The following TMEM64 variants were observed in gnomAD, a reference collection of about 807,000 sequenced individuals.
TMEM64 encodes transmembrane protein 64.
Under a neutral mutation model 24.5 loss-of-function variants are expected in TMEM64, and 19 were observed. That is an observed-to-expected ratio of 0.78 (90% CI 0.54 to 1.14). The LOEUF (loss-of-function observed/expected upper bound fraction) is 1.14, where lower values mean the gene tolerates loss of function less well. TMEM64 is among the 50% of genes most tolerant of loss of function. TMEM64 has a pLI of 0.00. For missense variants in TMEM64, 487 were observed against 493.0 expected, an observed-to-expected ratio of 0.99 and a Z score of 0.12; for synonymous variants, 262 against 224.7, an observed-to-expected ratio of 1.17 and a Z score of -1.49.
rs566174146 is a variant in TMEM64 at position 90,627,861 on chromosome 8, G to T, written c.952-1999C>A. 3.9e-5 allele frequency among the ~76,000 whole-genome samples: 6 copies of T among 152,214 alleles called. No homozygotes were observed. In the East Asian group the frequency reaches 9.7e-4, roughly 25 times the overall value. Reference sequence around the variant, plus strand: ...AGGAAAGAGTGTTTTAATAATGAAGGCACTGTCAGGAGTCTTAGACTACTA... The same window carrying T: ...AGGAAAGAGTGTTTTAATAATGAAGTCACTGTCAGGAGTCTTAGACTACTA... On this transcript the variant is annotated intron_variant, in intron 2 of 2. Transcript: ENST00000458549.
In TMEM64 at chr8:90,645,613, C is replaced by G. The variant is rs1409363070; in HGVS notation, c.293G>C (p.Gly98Ala). The G allele has an allele frequency of 6.5e-7, 1 of 1,534,862 alleles. No homozygotes were observed. Among genetic ancestry groups the G allele is most frequent in the African/African-American group, 1.4e-5 (1 of 72,970 alleles). The change falls in exon 1 of 3, where the codon GGC (glycine) becomes GCC (alanine). Residue 98 changes from glycine to alanine, a missense_variant. Transcript: ENST00000458549. This position sits in a 1 kb window ranked among gnomAD's most constrained non-coding sequence, Gnocchi z 4.2. ...CACCTCAGCCACGCCGACCACCACGCCGCCGCCGCCACTCCCGGGGCCGCC... is the reference window on the plus strand; with the variant it reads ...CACCTCAGCCACGCCGACCACCACGGCGCCGCCGCCACTCCCGGGGCCGCC... ...LAGGPGSGGG[G>A]VVVGVAEVRN...
At chr8:90,630,589 T>G (rs1809422098) in intron 2 of TMEM64, among the ~76,000 whole-genome samples, 2 of 152,152 alleles carry the variant, frequency 1.3e-5, no homozygotes, top group Non-Finnish European at 2.9e-5. Flanking sequence ...CCATTTCCCA[T>G]GGTGTAAATA....
At chr8:90,632,335 G>A (rs1392688578) in intron 1 of TMEM64, among the ~76,000 whole-genome samples, 5 of 151,272 alleles carry the variant, frequency 3.3e-5, no homozygotes, top group Non-Finnish European at 7.4e-5. Flanking sequence ...TGTTGTTGTT[G>A]TTTTTGAGAC....
chr8:90,632,903 C>A (rs982637356), intron 1 of TMEM64, among the ~76,000 whole-genome samples: 1 of 152,154 alleles, frequency 6.6e-6, no homozygotes, highest in Non-Finnish European at 1.5e-5. Context: ...CACAATTTAA[C>A]CACTCCTGCT....
chr8:90,625,895 A>G (rs772683206), intron 2 of TMEM64, 33 bp from the exon 3 acceptor site: 1 of 1,446,026 alleles, frequency 6.9e-7, no homozygotes, highest in South Asian at 1.3e-5. Flanking sequence ...ACAGTTATCA[A>G]TATTTTATAC....
intron 1 of TMEM64, among the ~76,000 whole-genome samples, chr8:90,632,483 C>T (rs535994789): frequency 6.6e-6 from 1 of 152,182 alleles, no homozygotes; most frequent in South Asian, 2.1e-4. Context: ...CCACCATGCC[C>T]GGCTAATTTT....
rs1472126568 is a variant in TMEM64, at chr8:90,645,157, G to T, written c.749C>A (p.Ala250Asp). 10 of 1,613,836 alleles carry T rather than the reference G, an allele frequency of 6.2e-6. No homozygotes were observed. The highest frequency in any genetic ancestry group is 8.5e-6 in the Non-Finnish European group (10 of 1,179,912). ...GGSGLKVVAL[A>D]RLTPIPFGLQ... is the part of the protein sequence containing the mutation. ...CCCAAAAGGTATGGGTGTCAGTCTGGCCAGCGCCACCACTTTCAGGCCGCT... is the reference window on the plus strand; with the variant it reads ...CCCAAAAGGTATGGGTGTCAGTCTGTCCAGCGCCACCACTTTCAGGCCGCT... Residue 250 changes from alanine to aspartate, a missense_variant, in exon 1 of 3, where the codon GCC (alanine) becomes GAC (aspartate). By Grantham distance (126) the Ala-to-Asp change is moderately radical. Transcript: ENST00000458549. This position sits in a 1 kb window ranked among gnomAD's most constrained non-coding sequence, Gnocchi z 4.2.
At position 90,644,841 on chromosome 8, in the gene TMEM64, T is replaced by C. The variant is rs558884057; in HGVS notation, c.795+270A>G. Reference sequence around the variant, plus strand: ...TTCCATTCATGTCCCTGCATGCCTATTGTTAAGAGGGCTTTTCATTTTTAA... The same window carrying C: ...TTCCATTCATGTCCCTGCATGCCTACTGTTAAGAGGGCTTTTCATTTTTAA... On this transcript the variant is annotated intron_variant, in intron 1 of 2. Transcript: ENST00000458549. Among the ~76,000 whole-genome samples the C allele has an allele frequency of 1.3e-5, 2 of 152,324 alleles. No homozygotes were observed. The highest frequency in any genetic ancestry group is 2.1e-4 in the South Asian group (1 of 4,826).
chr8:90,645,270 G>C lies in TMEM64; in HGVS notation c.636C>G (p.Val212=), dbSNP rs948642463. ...VLIGTFIAHV[V]CKRLLTAWVA... is the part of the protein sequence containing the mutation. ...CCCAGGCGGTGAGGAGCCGCTTGCA[G>C]ACCACATGGGCGATGAAGGTGCCGA... The change falls in exon 1 of 3, where the codon GTC becomes GTG. Residue 212 remains valine (V), a synonymous_variant. Transcript: ENST00000458549. The surrounding 1 kb of genome is among the most constrained non-coding windows in gnomAD (Gnocchi z 4.2). 1 of 1,609,450 alleles carries C rather than the reference G, an allele frequency of 6.2e-7. No homozygotes were observed. The highest frequency in any genetic ancestry group is 1.3e-5 in the African/African-American group (1 of 74,844).
intron 1 of TMEM64, among the ~76,000 whole-genome samples, chr8:90,639,387 T>A (rs1165718173): frequency 2.7e-5 from 4 of 150,248 alleles, no homozygotes; most frequent in Non-Finnish European, 4.4e-5. Flanking sequence ...CCCACCCACA[T>A]ACACACAGAG....
At chr8:90,628,080 C>T (rs1253566521) in intron 2 of TMEM64, among the ~76,000 whole-genome samples, 1 of 152,212 alleles carries the variant, frequency 6.6e-6, no homozygotes, top group Non-Finnish European at 1.5e-5. Context: ...TGTCCCCCAA[C>T]ACACCTTCCC....
chr8:90,631,799 T>G, intron 1 of TMEM64, 92 bp from the exon 2 acceptor site: 2 of 1,096,562 alleles, frequency 1.8e-6, no homozygotes, highest in South Asian at 3.6e-5. Context: ...ACTAGTGGTA[T>G]TTCCTCGGGA....
At chr8:90,633,674 A>T (rs929806826) in intron 1 of TMEM64, among the ~76,000 whole-genome samples, 3 of 152,232 alleles carry the variant, frequency 2.0e-5, no homozygotes, top group Non-Finnish European at 4.4e-5. Context: ...ATTGTGTCAT[A>T]CTGTTACCAA....
In TMEM64 at chr8:90,625,780, A is replaced by G; in HGVS notation, c.1034T>C (p.Met345Thr). The G allele has an allele frequency of 6.2e-7, 1 of 1,614,024 alleles. No homozygotes were observed. Among genetic ancestry groups the G allele is most frequent in the Non-Finnish European group, 8.5e-7 (1 of 1,179,948 alleles). Residue 345 changes from methionine (M) to threonine (T), a missense_variant, in exon 3 of 3, where the codon ATG becomes ACG. Met to Thr is a moderately conservative substitution (Grantham distance 81, BLOSUM62 -1). Around this residue, in one of 3 missense-constraint regions of TMEM64, gnomAD observed 58 missense variants for 58.2 expected, o/e 1.00. Transcript: ENST00000458549. ...ELNAAIVACEMELKSSLVKGN... is the reference protein window; with the variant it reads ...ELNAAIVACETELKSSLVKGN... ...TTTAACCAGAGAAGATTTCAGTTCC[A>G]TTTCACAAGCTACAATAGCTGCATT...
At position 90,639,113 on chromosome 8, in the gene TMEM64, GA is replaced by G. The variant is rs111564369; in HGVS notation, c.795+5997del. Among the ~76,000 whole-genome samples, 403 of 134,988 alleles carry G rather than the reference GA, an allele frequency of 3.0e-3. 1 individual carries two copies. The highest frequency in any genetic ancestry group is 7.6e-3 in the Middle Eastern group (2 of 262). The allele number at this position is 134,988 out of a possible 152,430, so 88.6% of individuals were successfully genotyped here. On this transcript the variant is annotated intron_variant, in intron 1 of 2. Transcript: ENST00000458549. ...ACTGAAAAAAGTCTTGCTACTGGAG[GA>G]AAAAAAAAAAAAAGAACAAGAAGGC... is the stretch of plus-strand genomic sequence containing the variant.
chr8:90,631,711 G>A lies in TMEM64; in HGVS notation c.796-4C>T, dbSNP rs769372312. On this transcript the variant is annotated splice_polypyrimidine_tract_variant and splice_region_variant and intron_variant, in intron 1 of 2. Transcript: ENST00000458549. ...TGGGTAATGAGAGATCAGTAATCTA[G>A]AAGAGTAGATTAAAGGGAATGATTC... 6.2e-7 allele frequency: 1 copy of A among 1,607,980 alleles called. No homozygotes were observed. The highest frequency in any genetic ancestry group is 2.2e-5 in the East Asian group (1 of 44,700).
chr8:90,633,907 A>G (rs908816966), intron 1 of TMEM64, among the ~76,000 whole-genome samples: 5 of 152,122 alleles, frequency 3.3e-5, no homozygotes, highest in Non-Finnish European at 7.4e-5. Flanking sequence ...TCTGTTGTCT[A>G]TTATATGTAG....
At chr8:90,632,644 A>G (rs1809457189) in intron 1 of TMEM64, among the ~76,000 whole-genome samples, 1 of 152,194 alleles carries the variant, frequency 6.6e-6, no homozygotes, top group African/African-American at 2.4e-5. Flanking sequence ...ATTTTAGTAC[A>G]GACAGAGTTT....
intron 1 of TMEM64, among the ~76,000 whole-genome samples, chr8:90,633,443 G>C (rs747102862): frequency 3.9e-5 from 6 of 152,158 alleles, no homozygotes; most frequent in Non-Finnish European, 8.8e-5. Context: ...AGTTGCACAG[G>C]AATTCCTGAC....
Sources: allele counts gnomAD v4.1 joint callset (sites outside exome capture counted in the v4.1 genomes callset), GRCh38; gene constraint gnomAD v4.1.1; regional missense constraint gnomAD v4.1.1; non-coding constraint Gnocchi (gnomAD v3.1); transcripts MANE v1.5; gene names NCBI Gene and HGNC (gene_info 2026-07-23, HGNC 2026-07-21).